CACNA2D1: variants seen among roughly 807,000 people sequenced by gnomAD.
The protein encoded by CACNA2D1 is calcium voltage-gated channel auxiliary subunit alpha2delta 1.
A neutral mutation model predicts 171.5 loss-of-function variants in CACNA2D1; 53 were observed. The ratio of observed to expected loss-of-function variants is 0.31; its 90% confidence interval spans 0.25 to 0.39. The LOEUF is 0.39. Ranked by LOEUF, CACNA2D1 falls within the 10% of genes least tolerant of loss-of-function variation. The pLI is 1.00. For missense variants in CACNA2D1, 903 were observed against 1,299.8 expected (o/e 0.69, Z 4.69); for synonymous variants, 442 against 443.1 (o/e 1.00, Z 0.03).
chr7:82,053,658 G>A (rs923512227), intron 10 of CACNA2D1, among the ~76,000 whole-genome samples: 1 of 152,092 alleles, frequency 6.6e-6, no homozygotes. Flanking sequence ...AAGCAGAGTG[G>A]AAAGTCACTA....
At chr7:81,998,435 G>A (rs1161332363) in intron 18 of CACNA2D1, among the ~76,000 whole-genome samples, 1 of 151,854 alleles carries the variant, frequency 6.6e-6, no homozygotes, top group Non-Finnish European at 1.5e-5. Context: ...ACTTCCCAAG[G>A]CAGTTGCAAT....
At chr7:82,047,752 G>C (rs1266195434) in intron 10 of CACNA2D1, among the ~76,000 whole-genome samples, 2 of 152,064 alleles carry the variant, frequency 1.3e-5, no homozygotes, top group Non-Finnish European at 2.9e-5. Flanking sequence ...TTGGAGAGGA[G>C]GGAATACAGA....
At chr7:81,997,388 T>C (rs1002218298) in intron 18 of CACNA2D1, 138 bp from the exon 19 acceptor site, 3 of 441,800 alleles carry the variant, frequency 6.8e-6, no homozygotes, top group East Asian at 4.2e-5. Flanking sequence ...TCTTCTTTCA[T>C]ATATATTTTA....
intron 6 of CACNA2D1, among the ~76,000 whole-genome samples, chr7:82,089,074 C>T (rs527400805): frequency 6.6e-5 from 10 of 152,264 alleles, no homozygotes; most frequent in South Asian, 6.2e-4. Flanking sequence ...GGACCCAGAC[C>T]GGTCCATGGC....
At chr7:82,315,210 G>C (rs1585455591) in intron 3 of CACNA2D1, among the ~76,000 whole-genome samples, 1 of 152,184 alleles carries the variant, frequency 6.6e-6, no homozygotes, top group East Asian at 1.9e-4. Flanking sequence ...AGGAGGGCAA[G>C]AGAAGTAGGG....
chr7:82,156,715 T>A (rs1445770588), intron 4 of CACNA2D1, among the ~76,000 whole-genome samples: 1 of 152,010 alleles, frequency 6.6e-6, no homozygotes, highest in Non-Finnish European at 1.5e-5. Context: ...TAAATCTTTT[T>A]CTTTGTGAAC....
At chr7:82,191,118 T>C (rs1475237141) in intron 3 of CACNA2D1, among the ~76,000 whole-genome samples, 3 of 151,720 alleles carry the variant, frequency 2.0e-5, no homozygotes, top group African/African-American at 7.2e-5. Flanking sequence ...ACAATCCCCT[T>C]ATTACATAAT....
chr7:82,302,181 T>C (rs565599707), intron 3 of CACNA2D1, among the ~76,000 whole-genome samples: 2 of 152,300 alleles, frequency 1.3e-5, no homozygotes, highest in South Asian at 2.1e-4. Context: ...ATTAGAGTTC[T>C]AGATTTTGGG....
intron 20 of CACNA2D1, among the ~76,000 whole-genome samples, chr7:81,993,749 G>A (rs1313837108): frequency 6.6e-6 from 1 of 152,062 alleles, no homozygotes; most frequent in African/African-American, 2.4e-5. Flanking sequence ...TTACAATAGT[G>A]TGTTCATCAG....
intron 6 of CACNA2D1, among the ~76,000 whole-genome samples, chr7:82,106,821 T>C (rs1325048788): frequency 6.6e-6 from 1 of 152,142 alleles, no homozygotes; most frequent in Non-Finnish European, 1.5e-5. Context: ...TTCTGACTTA[T>C]GTGCACACAC....
intron 7 of CACNA2D1, among the ~76,000 whole-genome samples, chr7:82,081,860 T>C (rs753072387): frequency 6.6e-6 from 1 of 151,890 alleles, no homozygotes; most frequent in Non-Finnish European, 1.5e-5. Context: ...TGGGAGGGGG[T>C]GTGTGAGCAA....
At chr7:82,176,988 T>G (rs2129161316) in intron 3 of CACNA2D1, among the ~76,000 whole-genome samples, 1 of 150,296 alleles carries the variant, frequency 6.7e-6, no homozygotes, top group African/African-American at 2.4e-5. Context: ...GCTTCTATCA[T>G]GATGCAAATA....
At chr7:82,205,302 A>G (rs764573382) in intron 3 of CACNA2D1, among the ~76,000 whole-genome samples, 14 of 152,110 alleles carry the variant, frequency 9.2e-5, no homozygotes, top group Non-Finnish European at 1.9e-4. Context: ...ATATATTTGC[A>G]ATGTGTTTCT....
intron 3 of CACNA2D1, among the ~76,000 whole-genome samples, chr7:82,231,000 T>C (rs947647830): frequency 6.6e-6 from 1 of 152,218 alleles, no homozygotes. Flanking sequence ...TCAATGTTTG[T>C]GGAATAAATG....
At chr7:82,372,774 T>A (rs746687108) in intron 1 of CACNA2D1, among the ~76,000 whole-genome samples, 15 of 152,200 alleles carry the variant, frequency 9.9e-5, no homozygotes, top group Non-Finnish European at 1.5e-4. Flanking sequence ...GCAAAGAATC[T>A]ACAGCAATGG....
At chr7:82,129,380 G>A (rs985526498) in intron 5 of CACNA2D1, among the ~76,000 whole-genome samples, 1 of 152,092 alleles carries the variant, frequency 6.6e-6, no homozygotes, top group Non-Finnish European at 1.5e-5. Context: ...TGATCTCTGG[G>A]AAGACAGGAC....
chr7:82,334,033 C>CA (rs987352184), intron 3 of CACNA2D1, among the ~76,000 whole-genome samples: 8 of 152,172 alleles, frequency 5.3e-5, no homozygotes, highest in African/African-American at 1.7e-4. Context: ...ACATAACCTA[C>CA]AAATCAATTT....
intron 36 of CACNA2D1, 29 bp downstream of exon 36, chr7:81,961,840 CAGTATATACAATTTCTTAATGAAAT>C: frequency 2.7e-6 from 1 of 365,826 alleles, no homozygotes; most frequent in Non-Finnish European, 4.2e-6. Flanking sequence ...ATGATTATAA[CAGTATATACAATTTCTTAATGAAAT>C]AGGACTACTC....
rs111227238 is a variant in CACNA2D1, at chr7:81,972,101, T to G, written c.2054-237A>C. ...ATTCTAAATGAGCCAAATTATTTTGTAAACTTTATCAAAATAAGAAATAAG... is the reference window on the plus strand; with the variant it reads ...ATTCTAAATGAGCCAAATTATTTTGGAAACTTTATCAAAATAAGAAATAAG... On this transcript the variant is annotated intron_variant, in intron 25 of 38. Transcript: ENST00000356860. 5.1e-3 allele frequency among the ~76,000 whole-genome samples: 776 copies of G among 151,832 alleles called. 1 individual carries two copies. The highest frequency in any genetic ancestry group is 9.0e-3 in the Non-Finnish European group (610 of 67,774).
Sources: gnomAD v4.1 joint callset for allele counts (sites outside exome capture counted in the v4.1 genomes callset) on GRCh38, gnomAD v4.1.1 for gene constraint, MANE v1.5 for transcripts, NCBI Gene and HGNC (gene_info 2026-07-23, HGNC 2026-07-21) for gene names.